Variants in COMMD1 observed in about 807,000 individuals in gnomAD.
COMMD1 encodes COMM domain-containing protein 1.
In COMMD1, 10 loss-of-function variants were observed where a neutral mutation model predicts 17.2. That is an observed-to-expected ratio of 0.58 (90% CI 0.36 to 0.99). The LOEUF is 0.99. Among genes scored for constraint, COMMD1 ranks in the 50% least tolerant of loss-of-function variants. The pLI is 0.01. For missense variants in COMMD1, 270 were observed against 231.8 expected (o/e 1.17, Z -1.07); for synonymous variants, 97 against 91.6 (o/e 1.06, Z -0.34).
intron 2 of COMMD1, among the ~76,000 whole-genome samples, chr2:62,116,181 C>T (rs1181858597): frequency 6.6e-6 from 1 of 152,054 alleles, no homozygotes; most frequent in Non-Finnish European, 1.5e-5. Flanking sequence ...AATTATATAA[C>T]AACAGTATTT....
intron 2 of COMMD1, among the ~76,000 whole-genome samples, chr2:62,025,720 G>T (rs1295798537): frequency 6.6e-6 from 1 of 151,964 alleles, no homozygotes; most frequent in Admixed American, 6.6e-5. Flanking sequence ...TCAGAGTGTC[G>T]CTCTGTCACC....
intron 2 of COMMD1, among the ~76,000 whole-genome samples, chr2:62,009,991 C>A (rs1472958631): frequency 1.3e-5 from 2 of 151,844 alleles, no homozygotes; most frequent in Admixed American, 1.3e-4. Context: ...TCATAACTTA[C>A]CAGTTGAAAA....
intron 1 of COMMD1, among the ~76,000 whole-genome samples, chr2:61,913,402 G>A (rs1430168917): frequency 2.0e-5 from 3 of 149,756 alleles, no homozygotes; most frequent in African/African-American, 7.4e-5. Flanking sequence ...AAGTGGCCGG[G>A]CATGGTGGCT....
chr2:61,994,840 A>T (rs1668710320), intron 1 of COMMD1, among the ~76,000 whole-genome samples: 1 of 152,156 alleles, frequency 6.6e-6, no homozygotes, highest in Non-Finnish European at 1.5e-5. Flanking sequence ...AAAAGACAAG[A>T]TCATTTCTCC....
At chr2:61,899,386 A>T (rs1180760866) in intron 1 of COMMD1, among the ~76,000 whole-genome samples, 2 of 152,134 alleles carry the variant, frequency 1.3e-5, no homozygotes, top group Non-Finnish European at 2.9e-5. Flanking sequence ...CTTTTCTGCC[A>T]TTGCCTGTCT....
intron 1 of COMMD1, among the ~76,000 whole-genome samples, chr2:61,899,911 A>G (rs1308893397): frequency 6.6e-6 from 1 of 152,094 alleles, no homozygotes; most frequent in African/African-American, 2.4e-5. Context: ...ATCTCAAGTG[A>G]TCCGCCCACC....
At chr2:61,937,271 C>A (rs544901272) in intron 1 of COMMD1, among the ~76,000 whole-genome samples, 1 of 152,266 alleles carries the variant, frequency 6.6e-6, no homozygotes, top group African/African-American at 2.4e-5. Context: ...ACCAGTCTTT[C>A]TGGTTAAATT....
At chr2:62,060,516 G>A (rs1373350822) in intron 2 of COMMD1, among the ~76,000 whole-genome samples, 1 of 152,076 alleles carries the variant, frequency 6.6e-6, no homozygotes, top group Non-Finnish European at 1.5e-5. Flanking sequence ...CAGTAGATGA[G>A]GAGATAATAA....
chr2:62,028,419 C>T (rs879781834), intron 2 of COMMD1, among the ~76,000 whole-genome samples: 4 of 152,020 alleles, frequency 2.6e-5, no homozygotes, highest in Admixed American at 2.6e-4. Flanking sequence ...GTTTTTAATG[C>T]TTTATCCAAA....
chr2:62,015,176 T>C (rs1669402025), intron 2 of COMMD1, among the ~76,000 whole-genome samples: 1 of 152,226 alleles, frequency 6.6e-6, no homozygotes, highest in South Asian at 2.1e-4. Flanking sequence ...TAAACAATAA[T>C]TCCCAATTTC....
At chr2:62,046,762 T>C (rs1240941982) in intron 2 of COMMD1, among the ~76,000 whole-genome samples, 1 of 152,246 alleles carries the variant, frequency 6.6e-6, no homozygotes, top group East Asian at 1.9e-4. Context: ...CAGTTTGTGA[T>C]TTATAAAGCA....
intron 2 of COMMD1, among the ~76,000 whole-genome samples, chr2:62,130,070 G>T (rs576707054): frequency 2.9e-4 from 44 of 151,566 alleles, no homozygotes; most frequent in Non-Finnish European, 6.0e-4. Flanking sequence ...AGCTATTCAG[G>T]AGGCTGAGGC....
At chr2:62,069,948 T>C (rs1314487995) in intron 2 of COMMD1, 1 of 152,218 alleles carries the variant, frequency 6.6e-6, no homozygotes, top group Non-Finnish European at 1.5e-5. Context: ...AGACTTAGAA[T>C]ATACTGCAAT....
intron 2 of COMMD1, among the ~76,000 whole-genome samples, chr2:62,060,511 G>A (rs1670828814): frequency 6.6e-6 from 1 of 152,218 alleles, no homozygotes; most frequent in African/African-American, 2.4e-5. Flanking sequence ...ATTTCCAGTA[G>A]ATGAGGAGAT....
chr2:61,979,302 C>T (rs1380677111), intron 1 of COMMD1, among the ~76,000 whole-genome samples: 1 of 152,064 alleles, frequency 6.6e-6, no homozygotes, highest in African/African-American at 2.4e-5. Context: ...CATGGTGAAA[C>T]CCCGTCTCTA....
intron 1 of COMMD1, among the ~76,000 whole-genome samples, chr2:61,944,593 T>G (rs913708648): frequency 1.3e-5 from 2 of 152,238 alleles, no homozygotes; most frequent in African/African-American, 4.8e-5. Flanking sequence ...CTCTTAACTT[T>G]GTAGCTCTCA....
intron 2 of COMMD1, among the ~76,000 whole-genome samples, chr2:62,133,656 A>G (rs1673105314): frequency 1.3e-5 from 2 of 152,170 alleles, no homozygotes; most frequent in African/African-American, 4.8e-5. Context: ...ACATAGGAAG[A>G]AGGGTTTGGT....
At chr2:61,976,176 ATCAG>A (rs1212801268) in intron 1 of COMMD1, among the ~76,000 whole-genome samples, 1 of 151,774 alleles carries the variant, frequency 6.6e-6, no homozygotes, top group Non-Finnish European at 1.5e-5. Context: ...AAAAAGGAAA[ATCAG>A]TCAGTTAATA....
chr2:62,033,036 C>T (rs1219055796), intron 2 of COMMD1, among the ~76,000 whole-genome samples: 1 of 152,176 alleles, frequency 6.6e-6, no homozygotes, highest in Non-Finnish European at 1.5e-5. Context: ...TCCCAAAGTG[C>T]TGGGATTACA....
Sources: allele counts gnomAD v4.1 joint callset (sites outside exome capture counted in the v4.1 genomes callset), GRCh38; gene constraint gnomAD v4.1.1; transcripts MANE v1.5; gene names NCBI Gene and HGNC (gene_info 2026-07-23, HGNC 2026-07-21).